Variants in FKTN observed in about 807,000 individuals in gnomAD.
The protein encoded by FKTN is ribitol-5-phosphate transferase FKTN.
FKTN carries 47 observed loss-of-function variants against 58.6 expected under a neutral mutation model. The ratio of observed to expected loss-of-function variants is 0.80; its 90% CI spans 0.63 to 1.02. The LOEUF (loss-of-function observed/expected upper bound fraction) is 1.02, where lower values mean the gene tolerates loss of function less well. Ranked by LOEUF, FKTN falls within the 50% of genes least tolerant of loss-of-function variation. The pLI, the probability that FKTN is intolerant of heterozygous loss-of-function variation, is 0.00. For synonymous variants in FKTN, 178 were observed against 191.9 expected (o/e 0.93, Z 0.60); for missense variants, 516 against 537.3 (o/e 0.96, Z 0.39).
At chr9:105,617,503 C>T (rs1368410722) in intron 8 of FKTN, among the ~76,000 whole-genome samples, 2 of 152,024 alleles carry the variant, frequency 1.3e-5, no homozygotes, top group South Asian at 2.1e-4. Context: ...CTTAACAGCC[C>T]CCTCTATCAC....
chr9:105,578,174 C>T (rs2132098422), intron 3 of FKTN, among the ~76,000 whole-genome samples: 1 of 149,898 alleles, frequency 6.7e-6, no homozygotes, highest in Non-Finnish European at 1.5e-5. Context: ...CTTCTCCTGC[C>T]TAATTGCCCT....
intron 3 of FKTN, among the ~76,000 whole-genome samples, chr9:105,589,357 G>A (rs945726484): frequency 6.6e-6 from 1 of 152,018 alleles, no homozygotes; most frequent in African/African-American, 2.4e-5. Flanking sequence ...AATTAGCTGG[G>A]TGTTGTGGCA....
chr9:105,565,475 C>CA (rs36188764), intron 1 of FKTN, among the ~76,000 whole-genome samples: 1 of 151,360 alleles, frequency 6.6e-6, no homozygotes. Context: ...AAATGGAAAA[C>CA]AAAAAAAGGT....
intron 3 of FKTN, among the ~76,000 whole-genome samples, chr9:105,587,220 A>G (rs1251612591): frequency 1.3e-5 from 2 of 152,152 alleles, no homozygotes; most frequent in African/African-American, 4.8e-5. Context: ...TGTTTGTATT[A>G]TCTAGGAGCC....
chr9:105,573,168 A>G (rs1378864522), intron 1 of FKTN, among the ~76,000 whole-genome samples: 1 of 151,980 alleles, frequency 6.6e-6, no homozygotes, highest in Non-Finnish European at 1.5e-5. Flanking sequence ...CCAGGAGGTG[A>G]AGGTTGCAGT....
At chr9:105,597,621 C>T (rs1489889251) in intron 4 of FKTN, among the ~76,000 whole-genome samples, 1 of 152,090 alleles carries the variant, frequency 6.6e-6, no homozygotes, top group Non-Finnish European at 1.5e-5. Context: ...TTCTCTGTAA[C>T]ACTTCTCTAC....
chr9:105,586,615 A>C (rs1210739619), intron 3 of FKTN, among the ~76,000 whole-genome samples: 8 of 152,216 alleles, frequency 5.3e-5, no homozygotes. Flanking sequence ...CAGCATCAAT[A>C]ATTTTTGAGT....
rs147565217 is a variant in FKTN at position 105,593,014 on chromosome 9, A to C, written c.106-3584A>C. ...ACAGCAACACTGCTTTCCTGGTACC[A>C]ATTTTCTGTAGTTAGTCTGTTCTCG... On this transcript the variant is annotated intron_variant, in intron 3 of 10. Coordinates refer to ENST00000357998, the MANE Select transcript of FKTN (RefSeq NM_001079802.2). Among the ~76,000 whole-genome samples the C allele has an allele frequency of 3.0e-3, 461 of 152,320 alleles. 5 individuals carry two copies. The highest frequency in any genetic ancestry group is 0.01 in the African/African-American group (436 of 41,562).
chr9:105,617,815 G>T, intron 8 of FKTN, 144 bp from the exon 9 acceptor site: 1 of 595,062 alleles, frequency 1.7e-6, no homozygotes, highest in South Asian at 2.1e-5. Flanking sequence ...TGAGCCAGGA[G>T]TTTGCGTACA....
intron 1 of FKTN, among the ~76,000 whole-genome samples, chr9:105,562,150 G>A (rs1005413008): frequency 1.3e-5 from 2 of 152,244 alleles, no homozygotes; most frequent in Non-Finnish European, 2.9e-5. Flanking sequence ...CTGCACAAAC[G>A]AAACCAGTTC....
chr9:105,599,299 A>G (rs560701085), intron 4 of FKTN, among the ~76,000 whole-genome samples: 1 of 152,266 alleles, frequency 6.6e-6, no homozygotes, highest in African/African-American at 2.4e-5. Context: ...TTCAAATGCT[A>G]AAGTAAGCTT....
Position 105,640,934 on chromosome 9 carries a change from T to C in FKTN, c.*5670T>C, listed in dbSNP as rs1834380152. 1 of 152,216 alleles carries C rather than the reference T, an allele frequency of 6.6e-6. No individual in the cohort carries two copies. The highest frequency in any genetic ancestry group is 2.4e-5 in the African/African-American group (1 of 41,472). The allele number at this position is 152,216 out of a possible 1,614,324, so 9.4% of individuals were successfully genotyped here. On this transcript the variant is annotated 3_prime_UTR_variant, in exon 11 of 11. Coordinates refer to ENST00000357998, the MANE Select transcript of FKTN (RefSeq NM_001079802.2). Reference sequence around the variant, plus strand: ...CTACAAAAACATATATATGAATTTCTAAACAAAGTGATATTTTAAAGATGA... The same window carrying C: ...CTACAAAAACATATATATGAATTTCCAAACAAAGTGATATTTTAAAGATGA...
At chr9:105,575,589 G>T (rs999473718) in intron 3 of FKTN, among the ~76,000 whole-genome samples, 12 of 152,078 alleles carry the variant, frequency 7.9e-5, no homozygotes, top group Non-Finnish European at 1.5e-4. Flanking sequence ...AGATTCCGTA[G>T]AATATACCAG....
rs141511172 is a variant in FKTN, at chr9:105,572,728, T to C, written c.-180-927T>C. The stretch of plus-strand genomic sequence containing the variant: ...GTAGAGGAGAGATAGTGAGTGGCCC[T>C]TTGCTGCCTGTCTCTGACATCTGGA... On this transcript the variant is annotated intron_variant, in intron 1 of 10. Transcript: ENST00000357998. Among the ~76,000 whole-genome samples the C allele has an allele frequency of 1.7e-3, 261 of 152,320 alleles. 3 individuals are homozygous for C. In the East Asian group the frequency reaches 0.037, roughly 22 times the overall value.
intron 6 of FKTN, among the ~76,000 whole-genome samples, chr9:105,606,852 A>C (rs1564298453): frequency 6.6e-6 from 1 of 151,796 alleles, no homozygotes; most frequent in East Asian, 1.9e-4. Flanking sequence ...GAACCAAGCC[A>C]TATTTTCAAA....
intron 1 of FKTN, among the ~76,000 whole-genome samples, chr9:105,562,649 G>A (rs12337780): frequency 0.12 from 18,583 of 152,170 alleles, 1,515 homozygotes; most frequent in East Asian, 0.46. Context: ...TTTGGAAAAG[G>A]TTACTATCAT....
chr9:105,562,469 G>GA (rs1838485141), intron 1 of FKTN, among the ~76,000 whole-genome samples: 1 of 152,178 alleles, frequency 6.6e-6, no homozygotes, highest in Non-Finnish European at 1.5e-5. Flanking sequence ...GCAAAGGTCT[G>GA]AAAAATATCT....
intron 10 of FKTN, among the ~76,000 whole-genome samples, chr9:105,626,886 A>G (rs1832802489): frequency 6.6e-6 from 1 of 151,712 alleles, no homozygotes; most frequent in South Asian, 2.1e-4. Context: ...TTTGTGAGTT[A>G]CTGGCTGAGT....
At chr9:105,632,427 A>T (rs144224684) in intron 10 of FKTN, among the ~76,000 whole-genome samples, 10,724 of 148,038 alleles carry the variant, frequency 0.072, 936 homozygotes, top group African/African-American at 0.21. Flanking sequence ...AATAAAAAAA[A>T]ATATATATAT....
Sources: allele counts gnomAD v4.1 joint callset (sites outside exome capture counted in the v4.1 genomes callset), GRCh38; gene constraint gnomAD v4.1.1; transcripts MANE v1.5; gene names NCBI Gene and HGNC (gene_info 2026-07-23, HGNC 2026-07-21).